Variants in EMID1 observed in about 807,000 individuals in gnomAD.
The protein encoded by EMID1 is EMI domain-containing protein 1.
A neutral mutation model predicts 60.6 loss-of-function variants in EMID1; 40 were observed. The observed-to-expected ratio is 0.66, with a 90% CI of 0.51 to 0.86. The LOEUF is 0.86. Ranked by LOEUF, EMID1 falls within the 40% of genes least tolerant of loss-of-function variation. EMID1 has a pLI of 0.00. For missense variants in EMID1, 585 were observed against 597.1 expected (o/e 0.98, Z 0.21); for synonymous variants, 242 against 231.0 (o/e 1.05, Z -0.43).
chr22:29,234,066 C>T (rs893351563), intron 10 of EMID1, 71 bp from the exon 11 acceptor site: 1 of 1,534,800 alleles, frequency 6.5e-7, no homozygotes, highest in African/African-American at 1.4e-5. Flanking sequence ...CTCCCCAACA[C>T]CTCTGTTCCC....
chr22:29,230,473 C>T (rs1245378974), intron 5 of EMID1, among the ~76,000 whole-genome samples: 1 of 152,260 alleles, frequency 6.6e-6, no homozygotes, highest in East Asian at 1.9e-4. Flanking sequence ...CCGCGACAGT[C>T]ACAAAGCTCA....
chr22:29,246,174 A>T (rs1282906910), intron 13 of EMID1, among the ~76,000 whole-genome samples: 1 of 152,238 alleles, frequency 6.6e-6, no homozygotes, highest in Non-Finnish European at 1.5e-5. Flanking sequence ...GCCCTGTGGC[A>T]AGAGGGAGCC....
intron 3 of EMID1, among the ~76,000 whole-genome samples, chr22:29,218,639 A>C (rs1642410983): frequency 6.6e-6 from 1 of 152,192 alleles, no homozygotes; most frequent in Admixed American, 6.5e-5. Flanking sequence ...AGAATGCACC[A>C]AGTGGGCCAG....
chr22:29,250,733 ATTTTTTTTTTTTTTTTTTT>A (rs748172215), intron 13 of EMID1, among the ~76,000 whole-genome samples: 4 of 22,478 alleles, frequency 1.8e-4, no homozygotes, highest in East Asian at 1.8e-3. Context: ...CACCCGGCTA[ATTTTTTTTTTTTTTTTTTT>A]TTTTTTTTTT....
At chr22:29,219,376 C>T (rs539616622) in intron 3 of EMID1, among the ~76,000 whole-genome samples, 2 of 152,316 alleles carry the variant, frequency 1.3e-5, no homozygotes, top group South Asian at 4.1e-4. Context: ...CTCATAGGTC[C>T]CATTGTCCCC....
In EMID1 at chr22:29,226,508, A is replaced by T; in HGVS notation, c.422A>T (p.Lys141Ile). ...TAFSGCLNCS[K>I]VSELTERLKV... ...CCCGCAGGTTGTCTCAACTGCAGCA[A>T]AGTGTCAGAGCTGACAGAGCGGCTG... is the stretch of plus-strand genomic sequence containing the variant. Residue 141 changes from lysine to isoleucine, a missense_variant, in exon 5 of 15, where the codon AAA (lysine) becomes ATA (isoleucine). Physicochemically the swap from Lys to Ile is moderately radical, Grantham distance 102. Transcript: ENST00000334018. 1 of 1,611,814 alleles carries T rather than the reference A, an allele frequency of 6.2e-7. No homozygotes were observed. Among genetic ancestry groups the T allele is most frequent in the South Asian group, 1.1e-5 (1 of 90,640 alleles).
chr22:29,206,033 T>C lies in EMID1; in HGVS notation c.-6T>C. 8.2e-7 allele frequency: 1 copy of C among 1,223,128 alleles called. No homozygotes were observed. The highest frequency in any genetic ancestry group is 3.2e-5 in the East Asian group (1 of 31,204). The allele number at this position is 1,223,128 out of a possible 1,614,324, so 75.8% of individuals were successfully genotyped here. Reference sequence around the variant, plus strand: ...GGGGCCGCGCGCGGAGGGCGCCTGGTGCAGCATGGGCGGCCCGCGGGCTTG... The same window carrying C: ...GGGGCCGCGCGCGGAGGGCGCCTGGCGCAGCATGGGCGGCCCGCGGGCTTG... On this transcript the variant is annotated 5_prime_UTR_variant, in exon 1 of 15. Coordinates refer to ENST00000334018, the MANE Select transcript of EMID1 (RefSeq NM_133455.4).
intron 6 of EMID1, 84 bp downstream of exon 6, chr22:29,231,224 G>A (rs1436015043): frequency 2.2e-5 from 33 of 1,502,804 alleles, no homozygotes; most frequent in Middle Eastern, 1.9e-4. Flanking sequence ...CCACCCTGTC[G>A]CTGACTCCCA....
At chr22:29,207,559 A>C (rs1342326076) in intron 1 of EMID1, among the ~76,000 whole-genome samples, 1 of 152,200 alleles carries the variant, frequency 6.6e-6, no homozygotes, top group South Asian at 2.1e-4. Context: ...ACCGCCCTGC[A>C]GCCAGTTCAA....
rs1946089354 is a variant in EMID1, at chr22:29,257,550, T to A, written c.1205-1267T>A. ...CCTCTAAAGTCCTGGCCCTTTGGAC[T>A]GCATCAGCAAAGGTTTGCTGACTCT... On this transcript the variant is annotated intron_variant, in intron 14 of 14. Coordinates refer to ENST00000334018, the MANE Select transcript of EMID1 (RefSeq NM_133455.4). 2.6e-5 allele frequency among the ~76,000 whole-genome samples: 4 copies of A among 152,234 alleles called. No individual in the cohort carries two copies. In the South Asian group the frequency reaches 8.3e-4, roughly 32 times the overall value.
At chr22:29,240,221 G>A (rs2041103514) in intron 12 of EMID1, among the ~76,000 whole-genome samples, 1 of 152,156 alleles carries the variant, frequency 6.6e-6, no homozygotes, top group African/African-American at 2.4e-5. Flanking sequence ...TGCCCCTTAG[G>A]TGGGACAGGT....
intron 5 of EMID1, among the ~76,000 whole-genome samples, chr22:29,230,794 A>AT (rs200619384): frequency 3.3e-5 from 5 of 151,896 alleles, no homozygotes; most frequent in African/African-American, 7.2e-5. Flanking sequence ...TCTACAAATA[A>AT]TTTTTTTTTA....
At chr22:29,216,579 G>T (rs538828162) in intron 3 of EMID1, 2 of 985,448 alleles carry the variant, frequency 2.0e-6, no homozygotes, top group Non-Finnish European at 2.4e-6. Flanking sequence ...ACAAATGTGC[G>T]AAAATGTAGC....
chr22:29,232,361 C>T lies in EMID1; in HGVS notation c.782C>T (p.Pro261Leu), dbSNP rs1489962362. Reference protein sequence around the residue: ...PPGPPGPPGPPAPVGPPHARI... With the variant: ...PPGPPGPPGPLAPVGPPHARI... ...GGGCCTCCTGGCCCCCCTGGGCCCC[C>T]AGCCCCTGTTGGGCCACCCCATGCC... The change falls in exon 8 of 15, where the codon CCA becomes CTA. Residue 261 changes from proline to leucine, a missense_variant. Pro to Leu is a moderately conservative substitution (Grantham distance 98, BLOSUM62 -3). Transcript: ENST00000334018. 3 of 1,604,148 alleles carry T rather than the reference C, an allele frequency of 1.9e-6. No homozygotes were observed. The highest frequency in any genetic ancestry group is 1.1e-5 in the South Asian group (1 of 90,240).
At chr22:29,221,785 G>C (rs1442739985) in intron 3 of EMID1, among the ~76,000 whole-genome samples, 1 of 152,162 alleles carries the variant, frequency 6.6e-6, no homozygotes, top group Non-Finnish European at 1.5e-5. Context: ...CCCTTAAAAT[G>C]TTTCTGTCCA....
In EMID1 at chr22:29,232,466, G is replaced by A. The variant is rs1275783463; in HGVS notation, c.823+64G>A. ...TGGAGTAGCCATCAGCACAGTGCCC[G>A]CTACCATCTGCCACGTGCCTTCTGT... On this transcript the variant is annotated intron_variant, in intron 8 of 14. Coordinates refer to ENST00000334018, the MANE Select transcript of EMID1 (RefSeq NM_133455.4). 5.5e-5 allele frequency: 80 copies of A among 1,451,258 alleles called. 1 individual carries two copies. In the South Asian group the frequency reaches 1.0e-3, roughly 18 times the overall value. 89.9% of individuals were successfully genotyped at this position (1,451,258 alleles called of 1,614,324 possible). A position where few individuals can be genotyped will look rare whatever the true frequency, so the allele number is the denominator to read the frequency against.
intron 12 of EMID1, among the ~76,000 whole-genome samples, chr22:29,235,780 CTTTTTTT>C (rs56085732): frequency 4.1e-4 from 30 of 73,882 alleles, no homozygotes; most frequent in African/African-American, 1.5e-3. Flanking sequence ...AGAATTTAAG[CTTTTTTT>C]TTTTTTTTTT....
Position 29,233,666 on chromosome 22 carries a change from A to C in EMID1, c.966A>C (p.Ile322=). The C allele has an allele frequency of 6.2e-7, 1 of 1,613,770 alleles. No homozygotes were observed. The highest frequency in any genetic ancestry group is 8.5e-7 in the Non-Finnish European group (1 of 1,179,732). ...GTGTCCCTGGGAGTCCTGGTCACAT[A>C]GTGAGTAGTTCTCCTTGTACTCTCA... The part of the protein sequence containing the change: ...PTGVPGSPGH[I]GPPGPTGPKG... The change falls in exon 10 of 15, where the codon ATA becomes ATC. Residue 322 remains isoleucine, a splice_region_variant and synonymous_variant. Transcript: ENST00000334018.
intron 1 of EMID1, among the ~76,000 whole-genome samples, chr22:29,212,045 G>A (rs970086723): frequency 2.0e-5 from 3 of 152,110 alleles, no homozygotes; most frequent in African/African-American, 7.2e-5. Context: ...GAGTGCAGTG[G>A]CACGATCTGG....
Sources: allele counts gnomAD v4.1 joint callset (sites outside exome capture counted in the v4.1 genomes callset), GRCh38; gene constraint gnomAD v4.1.1; transcripts MANE v1.5; gene names NCBI Gene and HGNC (gene_info 2026-07-23, HGNC 2026-07-21).